The following CNTN3 variants were observed in gnomAD, a reference collection of about 807,000 sequenced individuals.
The protein encoded by CNTN3 is contactin-3.
A neutral mutation model predicts 119.1 loss-of-function variants in CNTN3; 60 were observed. The ratio of observed to expected loss-of-function variants is 0.50; its 90% confidence interval spans 0.41 to 0.62. The LOEUF (loss-of-function observed/expected upper bound fraction) is 0.62. Among genes scored for constraint, CNTN3 ranks in the 20% least tolerant of loss-of-function variants. The pLI, the probability that CNTN3 is intolerant of heterozygous loss-of-function variation, is 0.00. For missense variants in CNTN3, 1,101 were observed against 1,242.4 expected, an observed-to-expected ratio of 0.89 and a Z score of 1.71; for synonymous variants, 450 against 438.7, an observed-to-expected ratio of 1.03 and a Z score of -0.32.
At chr3:74,320,729 CCTCATGGTTAGAA>C (rs967109686) in intron 13 of CNTN3, among the ~76,000 whole-genome samples, 76 of 152,094 alleles carry the variant, frequency 5.0e-4, no homozygotes, top group Non-Finnish European at 1.0e-3. Flanking sequence ...CGTCCCTGAG[CCTCATGGTTAGAA>C]CTCATGGTTA....
intron 2 of CNTN3, 118 bp from the exon 3 acceptor site, chr3:74,499,903 CA>C: frequency 3.2e-6 from 3 of 951,360 alleles, no homozygotes; most frequent in Non-Finnish European, 4.5e-6. Context: ...CATTTGCATA[CA>C]AAGCAAAATG....
intron 13 of CNTN3, among the ~76,000 whole-genome samples, chr3:74,330,091 C>T (rs1461755685): frequency 6.6e-6 from 1 of 152,174 alleles, no homozygotes; most frequent in Admixed American, 6.5e-5. Context: ...CCTAGTGCCT[C>T]ATGCCTGTAA....
intron 2 of CNTN3, among the ~76,000 whole-genome samples, chr3:74,518,244 C>A (rs1218220004): frequency 6.6e-6 from 1 of 151,916 alleles, no homozygotes; most frequent in Non-Finnish European, 1.5e-5. Flanking sequence ...AATACACCAA[C>A]AGTGTCTGCA....
intron 11 of CNTN3, among the ~76,000 whole-genome samples, chr3:74,343,739 T>C (rs1703605513): frequency 6.6e-6 from 1 of 152,212 alleles, no homozygotes; most frequent in Admixed American, 6.5e-5. Context: ...GAAACTTGAC[T>C]GTGTACCAGT....
At chr3:74,376,857 TTG>T (rs1193876059) in intron 5 of CNTN3, among the ~76,000 whole-genome samples, 4 of 151,876 alleles carry the variant, frequency 2.6e-5, no homozygotes, top group African/African-American at 7.3e-5. Context: ...GATCAAGTGT[TTG>T]TTAAATGCCA....
chr3:74,301,710 C>T lies in CNTN3; in HGVS notation c.1882G>A (p.Val628Ile). Residue 628 changes from valine to isoleucine, a missense_variant, in exon 15 of 23, where the codon GTT (valine) becomes ATT (isoleucine). Transcript: ENST00000263665. ...CGAGCCTGGATAGAATAGGATATAA[C>T]TGGGCTATGGTTGTCTTTACCTTCT... ...WKEGKDNHSP[V>I]ISYSIQARTP... 1 of 1,614,068 alleles carries T rather than the reference C, an allele frequency of 6.2e-7. No homozygotes were observed. The highest frequency in any genetic ancestry group is 8.5e-7 in the Non-Finnish European group (1 of 1,179,968).
At chr3:74,486,387 AACG>A in intron 4 of CNTN3, 66 bp downstream of exon 4, 2 of 1,389,366 alleles carry the variant, frequency 1.4e-6, no homozygotes, top group Non-Finnish European at 2.0e-6. Context: ...TGAAATCCAA[AACG>A]ACTACACAAA....
At chr3:74,364,216 T>C (rs1292326533) in intron 10 of CNTN3, among the ~76,000 whole-genome samples, 1 of 152,134 alleles carries the variant, frequency 6.6e-6, no homozygotes, top group Non-Finnish European at 1.5e-5. Context: ...GATAAGGATA[T>C]CTTTTGCCAA....
chr3:74,493,688 T>A (rs1703007968), intron 3 of CNTN3, among the ~76,000 whole-genome samples: 1 of 152,146 alleles, frequency 6.6e-6, no homozygotes, highest in Non-Finnish European at 1.5e-5. Context: ...AATAAGCAAA[T>A]GTGTCTGTGT....
intron 13 of CNTN3, among the ~76,000 whole-genome samples, chr3:74,327,875 A>T (rs1017173929): frequency 3.3e-5 from 5 of 151,762 alleles, no homozygotes; most frequent in Admixed American, 3.3e-4. Flanking sequence ...TGAATATGGA[A>T]TCTTTTGTGT....
chr3:74,359,794 T>C (rs1704039506), intron 11 of CNTN3, among the ~76,000 whole-genome samples: 1 of 151,986 alleles, frequency 6.6e-6, no homozygotes, highest in Admixed American at 6.6e-5. Flanking sequence ...TTGATATCCA[T>C]GGGAAATAAT....
chr3:74,495,694 T>C (rs1559632280), intron 3 of CNTN3, among the ~76,000 whole-genome samples: 1 of 152,058 alleles, frequency 6.6e-6, no homozygotes, highest in Non-Finnish European at 1.5e-5. Flanking sequence ...ATCAGTAAAT[T>C]AAATGCATTC....
At chr3:74,300,008 A>C in intron 16 of CNTN3, 70 bp from the exon 17 acceptor site, 1 of 981,480 alleles carries the variant, frequency 1.0e-6, no homozygotes, top group Non-Finnish European at 1.5e-6. Flanking sequence ...AAGATAATGC[A>C]ATGTTTTTTT....
intron 4 of CNTN3, among the ~76,000 whole-genome samples, chr3:74,436,090 A>G (rs750404441): frequency 6.6e-6 from 1 of 152,232 alleles, no homozygotes; most frequent in Non-Finnish European, 1.5e-5. Context: ...ACATGTGTAC[A>G]TGAAGTTTAT....
At chr3:74,523,125 T>C (rs1183817662) in intron 1 of CNTN3, among the ~76,000 whole-genome samples, 1 of 151,744 alleles carries the variant, frequency 6.6e-6, no homozygotes, top group Non-Finnish European at 1.5e-5. Flanking sequence ...CAATGACATA[T>C]CCTATGTCCA....
intron 1 of CNTN3, among the ~76,000 whole-genome samples, chr3:74,609,076 G>A (rs1705038678): frequency 6.6e-6 from 1 of 152,168 alleles, no homozygotes; most frequent in Non-Finnish European, 1.5e-5. Flanking sequence ...GAGTGGAGTG[G>A]AAGTCATGGG....
At chr3:74,303,031 C>CA (rs1702490299) in intron 13 of CNTN3, among the ~76,000 whole-genome samples, 1 of 152,172 alleles carries the variant, frequency 6.6e-6, no homozygotes, top group African/African-American at 2.4e-5. Flanking sequence ...AAATAAACAA[C>CA]AAGCTTCCTC....
chr3:74,595,072 T>C (rs897356337), intron 1 of CNTN3, among the ~76,000 whole-genome samples: 1 of 152,154 alleles, frequency 6.6e-6, no homozygotes, highest in African/African-American at 2.4e-5. Context: ...TTTTCATGTG[T>C]CTTTTGGCTG....
rs151306287 is a variant in CNTN3, at chr3:74,542,023, A to G, written c.-80-20831T>C. 2.8e-3 allele frequency among the ~76,000 whole-genome samples: 427 copies of G among 152,204 alleles called. 5 individuals carry two copies. Among genetic ancestry groups the G allele is most frequent in the African/African-American group, 0.01 (419 of 41,538 alleles). On this transcript the variant is annotated intron_variant, in intron 1 of 22. Transcript: ENST00000263665. ...CAAGGCAGGAGGATTGCTTGTGGCC[A>G]GGAGTTTGAGACTAGCCTGGACAAC... is the stretch of plus-strand genomic sequence containing the variant.
Sources: gnomAD v4.1 joint callset for allele counts (sites outside exome capture counted in the v4.1 genomes callset) on GRCh38, gnomAD v4.1.1 for gene constraint, MANE v1.5 for transcripts, NCBI Gene and HGNC (gene_info 2026-07-23, HGNC 2026-07-21) for gene names.